ZNF385D: variants seen among roughly 807,000 people sequenced by gnomAD.
ZNF385D encodes the protein zinc finger protein 659.
In ZNF385D, 15 loss-of-function variants were observed where a neutral mutation model predicts 35.8. The observed-to-expected ratio is 0.42, with a 90% CI of 0.28 to 0.64. The LOEUF (loss-of-function observed/expected upper bound fraction) is 0.64, where lower values mean the gene tolerates loss of function less well. ZNF385D is among the 30% of genes least tolerant of loss of function. The pLI, the probability that ZNF385D is intolerant of heterozygous loss-of-function variation, is 0.23. For missense variants in ZNF385D, 474 were observed against 494.6 expected (o/e 0.96, Z 0.39); for synonymous variants, 212 against 186.8 (o/e 1.13, Z -1.10).
At chr3:22,298,140 TA>T (rs1169335620) in intron 2 of ZNF385D, among the ~76,000 whole-genome samples, 1 of 151,854 alleles carries the variant, frequency 6.6e-6, no homozygotes, top group African/African-American at 2.4e-5. Flanking sequence ...CAAATGAAGT[TA>T]AAATCAAAGA....
At chr3:21,511,624 AG>A (rs1707212637) in intron 3 of ZNF385D, 2 of 450,336 alleles carry the variant, frequency 4.4e-6, no homozygotes, top group Non-Finnish European at 8.9e-6. Context: ...CTTCTTACCA[AG>A]GGTAGTCTGA....
chr3:22,058,183 T>C lies in ZNF385D; in HGVS notation c.325+110634A>G, dbSNP rs576861395. ...CTCATAAGTTGATAATTCAACTTTA[T>C]GGCACCATCTAATTTGATTTCTTGT... On this transcript the variant is annotated intron_variant, in intron 3 of 5. Coordinates refer to the ZNF385D transcript ENST00000494108. 2.1e-5 allele frequency among the ~76,000 whole-genome samples: 3 copies of C among 141,592 alleles called. No homozygotes were observed. The South Asian group carries it at 6.6e-4, about 31-fold the overall frequency. The allele number at this position is 141,592 out of a possible 152,430, so 92.9% of individuals were successfully genotyped here.
intron 2 of ZNF385D, among the ~76,000 whole-genome samples, chr3:22,243,792 G>C (rs1351218695): frequency 6.6e-6 from 1 of 150,788 alleles, no homozygotes; most frequent in Non-Finnish European, 1.5e-5. Context: ...TGGAAAGTTG[G>C]TTTGGAGGTG....
intron 2 of ZNF385D, among the ~76,000 whole-genome samples, chr3:22,352,161 T>G (rs926231308): frequency 6.6e-6 from 1 of 152,078 alleles, no homozygotes; most frequent in Non-Finnish European, 1.5e-5. Flanking sequence ...AAGTAGGAGG[T>G]AATTTACAAT....
intron 3 of ZNF385D, among the ~76,000 whole-genome samples, chr3:22,034,037 T>A (rs146971846): frequency 2.6e-5 from 4 of 152,276 alleles, no homozygotes; most frequent in African/African-American, 9.6e-5. Flanking sequence ...ACCCTGTAAG[T>A]CCTGAGCAAA....
In ZNF385D at chr3:22,178,843, A is replaced by T. The variant is rs563218597; in HGVS notation, c.107-9808T>A. On this transcript the variant is annotated intron_variant, in intron 2 of 5. Coordinates refer to the ZNF385D transcript ENST00000494108. ...CCAGCACCATTTATTAAATAGGGAA[A>T]CCTTTCCCCATTTCTTGTTTTTGCC... is the stretch of plus-strand genomic sequence containing the variant. 6.0e-4 allele frequency among the ~76,000 whole-genome samples: 91 copies of T among 152,038 alleles called. 1 individual carries two copies. In the South Asian group the frequency reaches 0.015, roughly 25 times the overall value.
chr3:22,155,030 T>A (rs893348081), intron 3 of ZNF385D, among the ~76,000 whole-genome samples: 2 of 152,150 alleles, frequency 1.3e-5, no homozygotes, highest in Admixed American at 6.6e-5. Flanking sequence ...AACAGGCAGA[T>A]TTTTAAACAT....
At chr3:22,069,961 C>A (rs966312518) in intron 3 of ZNF385D, among the ~76,000 whole-genome samples, 1 of 152,116 alleles carries the variant, frequency 6.6e-6, no homozygotes, top group Non-Finnish European at 1.5e-5. Flanking sequence ...AGAAAGAAAG[C>A]AAGCTAAGGC....
At chr3:22,291,643 G>A (rs1020775092) in intron 2 of ZNF385D, among the ~76,000 whole-genome samples, 2 of 151,786 alleles carry the variant, frequency 1.3e-5, no homozygotes, top group African/African-American at 4.8e-5. Flanking sequence ...TTGTTTTACT[G>A]TATTACCAAG....
chr3:22,073,236 A>T (rs1468644197), intron 3 of ZNF385D, among the ~76,000 whole-genome samples: 1 of 151,998 alleles, frequency 6.6e-6, no homozygotes, highest in Non-Finnish European at 1.5e-5. Flanking sequence ...ATTTGCAGAC[A>T]AATCTAATAA....
chr3:21,481,311 T>G (rs560442398), intron 4 of ZNF385D, among the ~76,000 whole-genome samples: 1 of 152,202 alleles, frequency 6.6e-6, no homozygotes, highest in Admixed American at 6.6e-5. Context: ...ATATTGAAAC[T>G]GCATTGAACA....
At chr3:22,033,582 T>G (rs750934733) in intron 3 of ZNF385D, among the ~76,000 whole-genome samples, 1 of 151,960 alleles carries the variant, frequency 6.6e-6, no homozygotes, top group African/African-American at 2.4e-5. Flanking sequence ...TATCTATCAG[T>G]GTTCAGTGTA....
chr3:22,117,830 G>T (rs1195976769), intron 3 of ZNF385D, among the ~76,000 whole-genome samples: 1 of 151,958 alleles, frequency 6.6e-6, no homozygotes, highest in African/African-American at 2.4e-5. Context: ...GACAAAGGTA[G>T]AAATCTTTTT....
chr3:21,577,658 C>T (rs1489350996), intron 2 of ZNF385D, among the ~76,000 whole-genome samples: 1 of 152,124 alleles, frequency 6.6e-6, no homozygotes, highest in Non-Finnish European at 1.5e-5. Flanking sequence ...TCTTTCTCCG[C>T]AACCTCACTA....
chr3:21,862,851 T>G (rs1201991664), intron 3 of ZNF385D, among the ~76,000 whole-genome samples: 1 of 152,174 alleles, frequency 6.6e-6, no homozygotes, highest in African/African-American at 2.4e-5. Flanking sequence ...CAAGTCAAAC[T>G]GAACTGTTAG....
At chr3:21,588,562 A>G (rs2063880436) in intron 2 of ZNF385D, among the ~76,000 whole-genome samples, 1 of 152,144 alleles carries the variant, frequency 6.6e-6, no homozygotes, top group South Asian at 2.1e-4. Flanking sequence ...TAAAGACATT[A>G]AAGAAAAAAC....
At chr3:21,698,674 G>A (rs2067558702) in intron 1 of ZNF385D, among the ~76,000 whole-genome samples, 1 of 151,966 alleles carries the variant, frequency 6.6e-6, no homozygotes, top group South Asian at 2.1e-4. Flanking sequence ...TAAAAAATGG[G>A]CAAAGGATAT....
intron 3 of ZNF385D, among the ~76,000 whole-genome samples, chr3:21,821,965 CAAAAA>C (rs34222360): frequency 9.2e-6 from 1 of 108,460 alleles, no homozygotes. Context: ...GACCTTGTCT[CAAAAA>C]AAAAAAAAAA....
At chr3:22,204,531 A>C (rs567322415) in intron 2 of ZNF385D, among the ~76,000 whole-genome samples, 2 of 152,192 alleles carry the variant, frequency 1.3e-5, no homozygotes, top group Admixed American at 1.3e-4. Context: ...ACAAGGGACC[A>C]ATCCCAGAGA....
Sources: gnomAD v4.1 joint callset for allele counts (sites outside exome capture counted in the v4.1 genomes callset) on GRCh38, gnomAD v4.1.1 for gene constraint, MANE v1.5 for transcripts, NCBI Gene and HGNC (gene_info 2026-07-23, HGNC 2026-07-21) for gene names.